STK10: variants seen among roughly 807,000 people sequenced by gnomAD.
STK10 encodes the protein serine/threonine-protein kinase 10.
STK10 carries 78 observed loss-of-function variants against 113.8 expected under a neutral mutation model. The ratio of observed to expected loss-of-function variants is 0.69; its 90% CI spans 0.57 to 0.83. STK10 has a LOEUF of 0.83. Among genes scored for constraint, STK10 ranks in the 40% least tolerant of loss-of-function variants. The pLI is 0.00. For synonymous variants in STK10, 465 were observed against 494.7 expected (o/e 0.94, Z 0.80); for missense variants, 1,109 against 1,280.1 (o/e 0.87, Z 2.04).
intron 8 of STK10, among the ~76,000 whole-genome samples, chr5:172,095,729 T>C (rs1340140162): frequency 1.3e-5 from 2 of 152,210 alleles, no homozygotes; most frequent in Non-Finnish European, 2.9e-5. Context: ...AGCACAAGGA[T>C]GTGGGCCAGC....
chr5:172,134,929 A>G (rs978204327), intron 2 of STK10, among the ~76,000 whole-genome samples: 1 of 151,946 alleles, frequency 6.6e-6, no homozygotes, highest in Admixed American at 6.6e-5. Flanking sequence ...ATCTCAAAAA[A>G]AAAAAGAAAA....
At chr5:172,183,421 T>C (rs1341686781) in intron 1 of STK10, among the ~76,000 whole-genome samples, 4 of 151,784 alleles carry the variant, frequency 2.6e-5, no homozygotes, top group Admixed American at 2.0e-4. Flanking sequence ...TTTTCAGTGA[T>C]AAGAATTTTG....
rs917520119 is a variant in STK10, at chr5:172,187,510, G to A, written c.156+377C>T. Among the ~76,000 whole-genome samples, 1 of 152,110 alleles carries A rather than the reference G, an allele frequency of 6.6e-6. No individual in the cohort carries two copies. Among genetic ancestry groups the A allele is most frequent in the Admixed American group, 6.5e-5 (1 of 15,274 alleles). Reference sequence around the variant, plus strand: ...TGGTCTCTCTTAAAAAAAAAAGTGTGCCCGTATCGCCGTTTTACGGAACGT... The same window carrying A: ...TGGTCTCTCTTAAAAAAAAAAGTGTACCCGTATCGCCGTTTTACGGAACGT... On this transcript the variant is annotated intron_variant, in intron 1 of 18. Transcript: ENST00000176763. The surrounding 1 kb of genome is among the most constrained non-coding windows in gnomAD (Gnocchi z 4.6).
intron 3 of STK10, 29 bp downstream of exon 3, chr5:172,127,344 G>T: frequency 6.2e-7 from 1 of 1,613,290 alleles, no homozygotes; most frequent in South Asian, 1.1e-5. Flanking sequence ...GTCTGGTCCC[G>T]ACAATGCACC....
At chr5:172,127,097 G>A (rs1192726245) in intron 3 of STK10, among the ~76,000 whole-genome samples, 3 of 152,308 alleles carry the variant, frequency 2.0e-5, no homozygotes, top group Middle Eastern at 3.4e-3. Context: ...GAACCCGGGA[G>A]GCGGAGGCTG....
At chr5:172,110,897 G>A (rs1279046824) in intron 4 of STK10, among the ~76,000 whole-genome samples, 1 of 152,198 alleles carries the variant, frequency 6.6e-6, no homozygotes, top group East Asian at 1.9e-4. Flanking sequence ...TCAGGCTGGG[G>A]CAAGGCTGAG....
At chr5:172,099,051 C>G (rs536638409) in intron 7 of STK10, among the ~76,000 whole-genome samples, 92 of 152,046 alleles carry the variant, frequency 6.1e-4, no homozygotes, top group African/African-American at 2.2e-3. Flanking sequence ...CCATCACCAC[C>G]ATCATTACCA....
intron 10 of STK10, among the ~76,000 whole-genome samples, chr5:172,088,263 C>T (rs2113739100): frequency 6.6e-6 from 1 of 152,112 alleles, no homozygotes; most frequent in South Asian, 2.1e-4. Context: ...CGGTGGCTCA[C>T]ATCTGTAATT....
intron 18 of STK10, among the ~76,000 whole-genome samples, chr5:172,046,088 G>T (rs987972226): frequency 6.6e-6 from 1 of 151,714 alleles, no homozygotes. Context: ...GGCCAGGTGC[G>T]GTGTCTCAGC....
At chr5:172,157,093 C>A (rs1397645437) in intron 1 of STK10, among the ~76,000 whole-genome samples, 3 of 152,078 alleles carry the variant, frequency 2.0e-5, no homozygotes, top group African/African-American at 7.2e-5. Context: ...AGTCATTGAA[C>A]AATAAAAATG....
In STK10 at chr5:172,055,773, G is replaced by A. The variant is rs369588476; in HGVS notation, c.2341C>T (p.Arg781Trp). Residue 781 changes from arginine to tryptophan, a missense_variant, in exon 16 of 19, where the codon CGG (arginine) becomes TGG (tryptophan). Physicochemically the swap from Arg to Trp is moderately radical, Grantham distance 101 (BLOSUM62 -3). Transcript: ENST00000176763. ...TGGTTGTAGCGCTGCATCTGCTCCC[G>A]CTCCTGGAGAGGAATATCCAGAGGG... ...HELLRKHEKE[R>W]EQMQRYNQRM... 17 of 1,484,322 alleles carry A rather than the reference G, an allele frequency of 1.1e-5. No homozygotes were observed. Among genetic ancestry groups the A allele is most frequent in the African/African-American group, 9.9e-5 (7 of 70,356 alleles). 91.9% of individuals were successfully genotyped at this position (1,484,322 alleles called of 1,614,324 possible). A position where few individuals can be genotyped will look rare whatever the true frequency, so the allele number is the denominator to read the frequency against.
intron 7 of STK10, 105 bp downstream of exon 7, chr5:172,105,551 A>G (rs947527477): frequency 1.7e-6 from 2 of 1,197,726 alleles, no homozygotes; most frequent in South Asian, 2.5e-5. Context: ...ACAGCTGTCC[A>G]TGCTGTTCCC....
rs566237768 is a variant in STK10 at position 172,098,902 on chromosome 5, A to G, written c.871-2342T>C. 9.9e-4 allele frequency among the ~76,000 whole-genome samples: 151 copies of G among 151,874 alleles called. 1 individual carries two copies. The highest frequency in any genetic ancestry group is 3.4e-3 in the African/African-American group (142 of 41,368). On this transcript the variant is annotated intron_variant, in intron 7 of 18. Transcript: ENST00000176763. ...CATCATCACCTTCACCACCATCACC[A>G]CCACCATCACCACCATCATTACCAT...
At chr5:172,138,852 A>G (rs954806899) in intron 2 of STK10, among the ~76,000 whole-genome samples, 4 of 152,066 alleles carry the variant, frequency 2.6e-5, no homozygotes, top group Middle Eastern at 3.2e-3. Flanking sequence ...CTCTACTAAA[A>G]AAGTACAAAA....
intron 10 of STK10, among the ~76,000 whole-genome samples, chr5:172,087,715 G>A (rs1317783225): frequency 1.9e-5 from 2 of 104,392 alleles, no homozygotes; most frequent in South Asian, 2.7e-4. Context: ...TGCAAGCTCC[G>A]CCTCCCGGGT....
chr5:172,056,999 AAGAAG>A (rs1561790245), intron 15 of STK10: 1,881 of 79,322 alleles, frequency 0.024, 66 homozygotes, highest in South Asian at 0.044. Context: ...AAGAAAGAGA[AAGAAG>A]GAAAGAAAGA....
At chr5:172,091,167 T>G (rs1228411490) in intron 9 of STK10, among the ~76,000 whole-genome samples, 4 of 152,096 alleles carry the variant, frequency 2.6e-5, no homozygotes, top group Non-Finnish European at 4.4e-5. Context: ...TGTTCCATGC[T>G]TAGCATTTCT....
chr5:172,062,782 A>C (rs1412008822), intron 13 of STK10, among the ~76,000 whole-genome samples: 3 of 152,242 alleles, frequency 2.0e-5, no homozygotes, highest in Admixed American at 6.5e-5. Context: ...GCAGAGTTTC[A>C]GTTTTACAAG....
chr5:172,147,121 T>C (rs1421065660), intron 2 of STK10, among the ~76,000 whole-genome samples: 2 of 152,190 alleles, frequency 1.3e-5, no homozygotes, highest in East Asian at 1.9e-4. Context: ...TACTGATTCA[T>C]TATAGAAGAT....
Sources: gnomAD v4.1 joint callset for allele counts (sites outside exome capture counted in the v4.1 genomes callset) on GRCh38, gnomAD v4.1.1 for gene constraint, Gnocchi (gnomAD v3.1) non-coding constraint, MANE v1.5 for transcripts, NCBI Gene and HGNC (gene_info 2026-07-23, HGNC 2026-07-21) for gene names.